The following TRPM3 variants were observed in gnomAD, a reference collection of about 807,000 sequenced individuals.
The protein encoded by TRPM3 is transient receptor potential cation channel subfamily M member 3.
Under a neutral mutation model 181.2 loss-of-function variants are expected in TRPM3, and 77 were observed. The ratio of observed to expected loss-of-function variants is 0.42; its 90% confidence interval spans 0.35 to 0.51. TRPM3 has a LOEUF of 0.51. Among genes scored for constraint, TRPM3 ranks in the 20% least tolerant of loss-of-function variants. The pLI, the probability that TRPM3 is intolerant of heterozygous loss-of-function variation, is 0.01. For missense variants in TRPM3, 1,759 were observed against 2,196.7 expected, an observed-to-expected ratio of 0.80 and a Z score of 3.98; for synonymous variants, 745 against 796.4, an observed-to-expected ratio of 0.94 and a Z score of 1.09.
intron 1 of TRPM3, among the ~76,000 whole-genome samples, chr9:71,251,527 A>T (rs1479838353): frequency 6.6e-6 from 1 of 152,144 alleles, no homozygotes; most frequent in African/African-American, 2.4e-5. Flanking sequence ...CAGAATTTTA[A>T]CTTTTAACAT....
chr9:71,227,108 CA>C (rs368727383), intron 1 of TRPM3, among the ~76,000 whole-genome samples: 1,464 of 40,184 alleles, frequency 0.036, 10 homozygotes, highest in African/African-American at 0.12. Context: ...TACTTCATCT[CA>C]AAAAAAAAAA....
intron 9 of TRPM3, among the ~76,000 whole-genome samples, chr9:70,646,875 C>T (rs375060747): frequency 1.2e-5 from 1 of 85,382 alleles, no homozygotes; most frequent in Non-Finnish European, 2.3e-5. Context: ...CATGGAAGTA[C>T]AAAAAAAAAA....
intron 9 of TRPM3, among the ~76,000 whole-genome samples, chr9:70,672,791 G>C (rs4540466): frequency 0.29 from 44,177 of 151,842 alleles, 6,694 homozygotes; most frequent in African/African-American, 0.33. Context: ...TTTTGTAGGG[G>C]GAGTGATGCC....
rs139440015 is a variant in TRPM3 at position 70,972,008 on chromosome 9, G to A, written c.178-107497C>T. On this transcript the variant is annotated intron_variant, in intron 1 of 25. Coordinates refer to ENST00000677713, the MANE Select transcript of TRPM3 (RefSeq NM_001366145.2). ...GTTAGTGGGAATACATAATGGTTTA[G>A]CTGCTTTGGAGAACAGTCTAGCAGT... 4.0e-3 allele frequency among the ~76,000 whole-genome samples: 602 copies of A among 152,296 alleles called. 1 individual carries two copies. Among genetic ancestry groups the A allele is most frequent in the Non-Finnish European group, 5.0e-3 (342 of 68,020 alleles).
At chr9:71,126,994 A>G (rs1951021339) in intron 1 of TRPM3, among the ~76,000 whole-genome samples, 1 of 151,888 alleles carries the variant, frequency 6.6e-6, no homozygotes, top group African/African-American at 2.4e-5. Context: ...CTCCACTCAC[A>G]CTTCCTCTTC....
intron 1 of TRPM3, among the ~76,000 whole-genome samples, chr9:71,225,532 T>C (rs1235630725): frequency 2.6e-5 from 4 of 152,066 alleles, no homozygotes; most frequent in Non-Finnish European, 1.5e-5. Flanking sequence ...TAAGAAATCA[T>C]CTGAATGTAC....
At chr9:70,958,670 G>A (rs2097104810) in intron 1 of TRPM3, among the ~76,000 whole-genome samples, 1 of 152,018 alleles carries the variant, frequency 6.6e-6, no homozygotes, top group African/African-American at 2.4e-5. Context: ...TATACCCAAA[G>A]GACTATAAAT....
At chr9:71,073,607 A>C (rs1197353495) in intron 1 of TRPM3, among the ~76,000 whole-genome samples, 1 of 152,138 alleles carries the variant, frequency 6.6e-6, no homozygotes, top group African/African-American at 2.4e-5. Flanking sequence ...AGCAAGCTAC[A>C]ATATTCCTCC....
rs2092884994 is a variant in TRPM3, at chr9:71,384,609, T to A, written c.183+62044A>T. ...TGCCAGTCACTCACATTTCTATTCT[T>A]TGATGCTCCCATAGATACCACTGAA... On this transcript the variant is annotated intron_variant, in intron 1 of 24. Transcript: ENST00000357533. 2.0e-5 allele frequency among the ~76,000 whole-genome samples: 3 copies of A among 152,346 alleles called. No homozygotes were observed. In the South Asian group the frequency reaches 6.2e-4, roughly 32 times the overall value.
intron 1 of TRPM3, among the ~76,000 whole-genome samples, chr9:71,368,553 G>T (rs1211683740): frequency 6.7e-6 from 1 of 149,884 alleles, no homozygotes; most frequent in Non-Finnish European, 1.5e-5. Flanking sequence ...GATCAGAAGA[G>T]CTAGCACATA....
intron 1 of TRPM3, among the ~76,000 whole-genome samples, chr9:70,943,194 T>C (rs988403783): frequency 6.6e-6 from 1 of 152,208 alleles, no homozygotes; most frequent in Non-Finnish European, 1.5e-5. Flanking sequence ...AGGTGACTGA[T>C]GAATATTGGC....
chr9:70,994,178 C>T (rs1385590909), intron 1 of TRPM3, among the ~76,000 whole-genome samples: 1 of 152,146 alleles, frequency 6.6e-6, no homozygotes, highest in Non-Finnish European at 1.5e-5. Context: ...TAACCTTGAA[C>T]AAGATACCTA....
At chr9:70,901,251 T>A (rs1163460497) in intron 1 of TRPM3, among the ~76,000 whole-genome samples, 4 of 152,204 alleles carry the variant, frequency 2.6e-5, no homozygotes, top group Non-Finnish European at 5.9e-5. Flanking sequence ...ACACCTTTGA[T>A]CATTGACTTC....
At chr9:70,537,797 A>ACT (rs1272393297) in intron 25 of TRPM3, among the ~76,000 whole-genome samples, 1 of 152,136 alleles carries the variant, frequency 6.6e-6, no homozygotes, top group Non-Finnish European at 1.5e-5. Flanking sequence ...CAATGACCTG[A>ACT]CTAAGCATCC....
intron 1 of TRPM3, among the ~76,000 whole-genome samples, chr9:70,970,389 TC>T (rs1387044510): frequency 4.6e-5 from 7 of 152,176 alleles, no homozygotes; most frequent in African/African-American, 1.7e-4. Flanking sequence ...GACTAATTCC[TC>T]AATTAAATCC....
At chr9:70,657,213 A>T (rs1294173747) in intron 9 of TRPM3, among the ~76,000 whole-genome samples, 1 of 146,428 alleles carries the variant, frequency 6.8e-6, no homozygotes, top group East Asian at 2.0e-4. Flanking sequence ...AAAAAAAAAA[A>T]AAAAAGCTTG....
At chr9:71,251,902 CTG>C (rs1410545360) in intron 1 of TRPM3, among the ~76,000 whole-genome samples, 2 of 152,136 alleles carry the variant, frequency 1.3e-5, no homozygotes, top group African/African-American at 4.8e-5. Context: ...CTCTCTATCT[CTG>C]TGTGTTTAAT....
intron 1 of TRPM3, among the ~76,000 whole-genome samples, chr9:71,428,776 G>A (rs1033284017): frequency 6.6e-6 from 1 of 152,030 alleles, no homozygotes; most frequent in African/African-American, 2.4e-5. Flanking sequence ...CAACGAAAAT[G>A]GATTTATACT....
At chr9:71,412,832 A>C (rs1398435569) in intron 1 of TRPM3, among the ~76,000 whole-genome samples, 2 of 152,230 alleles carry the variant, frequency 1.3e-5, no homozygotes, top group African/African-American at 4.8e-5. Context: ...ACAATAGCAA[A>C]GACATGGAAC....
Sources: gnomAD v4.1 joint callset for allele counts (sites outside exome capture counted in the v4.1 genomes callset) on GRCh38, gnomAD v4.1.1 for gene constraint, MANE v1.5 for transcripts, NCBI Gene and HGNC (gene_info 2026-07-23, HGNC 2026-07-21) for gene names.